Variants in CLSTN2 observed in about 807,000 individuals in gnomAD.
CLSTN2 encodes the protein calsyntenin-2.
CLSTN2 carries 48 observed loss-of-function variants against 101.2 expected under a neutral mutation model. That is an observed-to-expected ratio of 0.47 (90% CI 0.38 to 0.60). The LOEUF is 0.60. Ranked by LOEUF, CLSTN2 falls within the 20% of genes least tolerant of loss-of-function variation. CLSTN2 has a pLI of 0.00. For missense variants in CLSTN2, 1,160 were observed against 1,238.2 expected (o/e 0.94, Z 0.95); for synonymous variants, 481 against 463.6 (o/e 1.04, Z -0.48).
At chr3:140,076,133 A>G (rs1036220849) in intron 1 of CLSTN2, among the ~76,000 whole-genome samples, 1 of 151,990 alleles carries the variant, frequency 6.6e-6, no homozygotes, top group Non-Finnish European at 1.5e-5. Context: ...CTATTTACAT[A>G]CCTCATGTAA....
chr3:139,989,777 C>A (rs1936087255), intron 1 of CLSTN2, among the ~76,000 whole-genome samples: 1 of 152,224 alleles, frequency 6.6e-6, no homozygotes, highest in Admixed American at 6.5e-5. Context: ...CACCAAGAGG[C>A]TTTTCCCACC....
chr3:140,011,496 C>G (rs2007072748), intron 1 of CLSTN2, among the ~76,000 whole-genome samples: 1 of 152,200 alleles, frequency 6.6e-6, no homozygotes, highest in Non-Finnish European at 1.5e-5. Flanking sequence ...ACTGCTGAAT[C>G]TCTCTGAACC....
intron 1 of CLSTN2, among the ~76,000 whole-genome samples, chr3:139,959,929 C>A (rs957282877): frequency 6.6e-6 from 1 of 152,146 alleles, no homozygotes; most frequent in African/African-American, 2.4e-5. Flanking sequence ...CCACCCCCTA[C>A]CAGCTTATTC....
At chr3:139,995,571 A>G (rs914087936) in intron 1 of CLSTN2, among the ~76,000 whole-genome samples, 10 of 152,218 alleles carry the variant, frequency 6.6e-5, no homozygotes, top group African/African-American at 2.2e-4. Context: ...TTCTGTGTAC[A>G]GAACTTACCC....
Position 140,563,992 on chromosome 3 carries a change from C to G in CLSTN2, c.2514C>G (p.Ile838Met), listed in dbSNP as rs144037860. ...CAAGCATTGCCACAGTGGTCATCAT[C>G]ATCTCCGTGTGCATGCTTGTGTTTG... is the stretch of plus-strand genomic sequence containing the variant. ...VVPSIATVVI[I>M]ISVCMLVFVV... The change falls in exon 16 of 17, where the codon ATC becomes ATG. Residue 838 changes from isoleucine (I) to methionine (M), a missense_variant. Transcript: ENST00000458420. 2 of 1,614,156 alleles carry G rather than the reference C, an allele frequency of 1.2e-6. No individual in the cohort carries two copies. The highest frequency in any genetic ancestry group is 2.2e-5 in the South Asian group (2 of 91,068).
chr3:140,182,603 G>A (rs904903153), intron 2 of CLSTN2, among the ~76,000 whole-genome samples: 2 of 152,192 alleles, frequency 1.3e-5, no homozygotes, highest in African/African-American at 4.8e-5. Flanking sequence ...AGAAGGCAGG[G>A]TGTCCCCTGG....
At chr3:140,417,978 C>G (rs1293238869) in intron 4 of CLSTN2, among the ~76,000 whole-genome samples, 1 of 152,172 alleles carries the variant, frequency 6.6e-6, no homozygotes, top group Non-Finnish European at 1.5e-5. Context: ...AGACCTGCAA[C>G]AAATTGAGCC....
At chr3:140,300,180 TAACTC>T (rs2087044683) in intron 2 of CLSTN2, among the ~76,000 whole-genome samples, 1 of 152,208 alleles carries the variant, frequency 6.6e-6, no homozygotes, top group African/African-American at 2.4e-5. Context: ...GTTTAATAAA[TAACTC>T]AAGGGATTTT....
chr3:140,404,386 TAG>T (rs1211957232), intron 3 of CLSTN2, among the ~76,000 whole-genome samples, 170 bp from the exon 4 acceptor site: 1 of 152,120 alleles, frequency 6.6e-6, no homozygotes, highest in African/African-American at 2.4e-5. Flanking sequence ...CAAGGGCAAG[TAG>T]AGAGTCTCCA....
chr3:140,301,520 T>G (rs1559832863), intron 2 of CLSTN2, among the ~76,000 whole-genome samples: 1 of 152,218 alleles, frequency 6.6e-6, no homozygotes, highest in Admixed American at 6.5e-5. Context: ...TTCATGTAGC[T>G]TTTATAAAAC....
chr3:140,130,171 A>C (rs1248604074), intron 1 of CLSTN2, among the ~76,000 whole-genome samples: 2 of 152,070 alleles, frequency 1.3e-5, no homozygotes, highest in African/African-American at 4.8e-5. Context: ...GGTCCTAGAG[A>C]TCCGGTGAGG....
chr3:140,350,462 G>T (rs537330716), intron 2 of CLSTN2, among the ~76,000 whole-genome samples: 1 of 152,290 alleles, frequency 6.6e-6, no homozygotes. Context: ...GGGGTAGGGA[G>T]GGGGCATGAA....
chr3:139,992,343 T>C (rs1936129093), intron 1 of CLSTN2, among the ~76,000 whole-genome samples: 1 of 152,128 alleles, frequency 6.6e-6, no homozygotes, highest in Admixed American at 6.6e-5. Context: ...ATTGAAAGAA[T>C]GCCTCCTTCT....
intron 1 of CLSTN2, among the ~76,000 whole-genome samples, chr3:140,071,062 A>G (rs2008383546): frequency 6.6e-6 from 1 of 152,192 alleles, no homozygotes; most frequent in Non-Finnish European, 1.5e-5. Context: ...TTATAAATAC[A>G]CACTACTTAC....
chr3:140,171,778 TTATATAA>T lies in CLSTN2; in HGVS notation c.110-4155_110-4149del, dbSNP rs1412285125. On this transcript the variant is annotated intron_variant, in intron 1 of 16. Transcript: ENST00000458420. ...TATAATATATAATATATAATATGTATTATATAATATATAATATATAATATGTATTATA... is the reference window on the plus strand; with the variant it reads ...TATAATATATAATATATAATATGTATTATATAATATATAATATGTATTATA... Among the ~76,000 whole-genome samples the T allele has an allele frequency of 2.0e-3, 161 of 78,540 alleles. 1 individual carries two copies. In the East Asian group the frequency reaches 0.023, roughly 11 times the overall value. The allele number at this position is 78,540 out of a possible 152,430, so 51.5% of individuals were successfully genotyped here.
chr3:140,419,837 ATATAT>A (rs2088480188), intron 4 of CLSTN2, among the ~76,000 whole-genome samples: 1 of 36,718 alleles, frequency 2.7e-5, no homozygotes. Context: ...ATATGTGTAT[ATATAT>A]GTGTATATAT....
intron 1 of CLSTN2, among the ~76,000 whole-genome samples, chr3:140,046,570 T>C (rs140520349): frequency 0.013 from 1,949 of 152,310 alleles, 45 homozygotes; most frequent in African/African-American, 0.043. Flanking sequence ...TGTTAGCTGG[T>C]TATTTTGCTC....
At chr3:140,265,304 A>C (rs958009168) in intron 2 of CLSTN2, among the ~76,000 whole-genome samples, 2 of 152,176 alleles carry the variant, frequency 1.3e-5, no homozygotes, top group Non-Finnish European at 2.9e-5. Flanking sequence ...GGCAATGCAC[A>C]GGGGGGCTGA....
chr3:140,240,144 CTCTCTCTG>C (rs1485707069), intron 2 of CLSTN2, among the ~76,000 whole-genome samples: 681 of 14,180 alleles, frequency 0.048, 25 homozygotes, highest in African/African-American at 0.059. Flanking sequence ...TTCTCTCTCT[CTCTCTCTG>C]TCTCTCTCTC....
Sources: allele counts gnomAD v4.1 joint callset (sites outside exome capture counted in the v4.1 genomes callset), GRCh38; gene constraint gnomAD v4.1.1; transcripts MANE v1.5; gene names NCBI Gene and HGNC (gene_info 2026-07-23, HGNC 2026-07-21).